The following EVPL variants were observed in gnomAD, a reference collection of about 807,000 sequenced individuals.
The protein encoded by EVPL is envoplakin.
Under a neutral mutation model 129.7 loss-of-function variants are expected in EVPL, and 94 were observed. The ratio of observed to expected loss-of-function variants is 0.72; its 90% CI spans 0.61 to 0.86. The LOEUF is 0.86. Among genes scored for constraint, EVPL ranks in the 40% least tolerant of loss-of-function variants. The probability of loss-of-function intolerance (pLI) is 0.00; values close to 1 mark genes in which losing one functional copy is unlikely to be tolerated. For missense variants in EVPL, 2,625 were observed against 2,721.1 expected (o/e 0.96, Z 0.79); for synonymous variants, 1,172 against 1,191.1 (o/e 0.98, Z 0.33).
At chr17:76,014,616 C>G (rs769969772) in intron 17 of EVPL, 40 bp from the exon 18 acceptor site, 1 of 1,595,610 alleles carries the variant, frequency 6.3e-7, no homozygotes, top group Admixed American at 1.9e-5. Context: ...TAAGACCTGC[C>G]CCGTGGGGAC....
rs376849439 is a variant in EVPL, at chr17:76,008,215, C to T, written c.4990G>A (p.Ala1664Thr). Residue 1664 changes from alanine to threonine, a missense_variant, in exon 22 of 22, where the codon GCC becomes ACC. Ala to Thr is a moderately conservative substitution (Grantham distance 58, BLOSUM62 0). Transcript: ENST00000301607. This position sits in a 1 kb window ranked among gnomAD's most constrained non-coding sequence, Gnocchi z 7.4. ...CTGAGCTCCTCCCGGCTCACCTTGG[C>T]GTGGAGGTCCCGGAGCGTCCGCTCC... ...EKERTLRDLH[A>T]KVSREELSQE... The T allele has an allele frequency of 8.3e-5, 134 of 1,613,956 alleles. No homozygotes were observed. The highest frequency in any genetic ancestry group is 1.1e-4 in the Non-Finnish European group (128 of 1,180,032).
At position 76,007,023 on chromosome 17, in the gene EVPL, T is replaced by G; in HGVS notation, c.*80A>C. 9 of 1,282,494 alleles carry G rather than the reference T, an allele frequency of 7.0e-6. No individual in the cohort carries two copies. The highest frequency in any genetic ancestry group is 8.9e-6 in the Non-Finnish European group (9 of 1,011,086). 79.4% of individuals were successfully genotyped at this position (1,282,494 alleles called of 1,614,324 possible). ...CAGAGGGAAGACCCACTGCCTGGGA[T>G]GAGGCTGCTCTGAGGCAAGAGGTGT... On this transcript the variant is annotated 3_prime_UTR_variant, in exon 22 of 22. Transcript: ENST00000301607. This position sits in a 1 kb window ranked among gnomAD's most constrained non-coding sequence, Gnocchi z 8.8.
At chr17:76,016,720 C>G (rs1033477312) in intron 14 of EVPL, among the ~76,000 whole-genome samples, 3 of 152,186 alleles carry the variant, frequency 2.0e-5, no homozygotes, top group African/African-American at 7.2e-5. Flanking sequence ...TTGAGACCAG[C>G]CTGGGCAACA....
Position 76,011,685 on chromosome 17 carries a change from G to C in EVPL, c.2569-17C>G. The C allele has an allele frequency of 6.2e-7, 1 of 1,613,444 alleles. No homozygotes were observed. The highest frequency in any genetic ancestry group is 1.1e-5 in the South Asian group (1 of 91,070). On this transcript the variant is annotated splice_polypyrimidine_tract_variant and intron_variant, in intron 20 of 21. Transcript: ENST00000301607. ...GTTCTTCTCCTGGAGAAGGCAGAGGGAGAGGGGAAGGGCAGAGTCAGCTCC... is the reference window on the plus strand; with the variant it reads ...GTTCTTCTCCTGGAGAAGGCAGAGGCAGAGGGGAAGGGCAGAGTCAGCTCC...
intron 9 of EVPL, among the ~76,000 whole-genome samples, chr17:76,019,939 A>G (rs2066445955): frequency 6.6e-6 from 1 of 150,672 alleles, no homozygotes; most frequent in Non-Finnish European, 1.5e-5. Flanking sequence ...GCTAAATCTA[A>G]ACCAGCTAAA....
In EVPL at chr17:76,022,254, C is replaced by T; in HGVS notation, c.607-27G>A. On this transcript the variant is annotated intron_variant, in intron 5 of 21. Coordinates refer to ENST00000301607, the MANE Select transcript of EVPL (RefSeq NM_001988.4). The surrounding 1 kb of genome is among the most constrained non-coding windows in gnomAD (Gnocchi z 5.6). ...TGCCTCGACCAAGGGGAGAAACAAG[C>T]CCGTGAGAGGTGGGGTGCAGGGAGA... is the stretch of plus-strand genomic sequence containing the variant. 6.2e-7 allele frequency: 1 copy of T among 1,612,712 alleles called. No homozygotes were observed. Among genetic ancestry groups the T allele is most frequent in the Non-Finnish European group, 8.5e-7 (1 of 1,179,640 alleles).
chr17:76,015,645 T>A lies in EVPL; in HGVS notation c.1711-17A>T. On this transcript the variant is annotated splice_polypyrimidine_tract_variant and intron_variant, in intron 14 of 21. Coordinates refer to ENST00000301607, the MANE Select transcript of EVPL (RefSeq NM_001988.4). ...GGCTGTGCCCTAAAGAGGGGCGGGGTCAGGGATCTCTGGGCAGGTGGGTTC... is the reference window on the plus strand; with the variant it reads ...GGCTGTGCCCTAAAGAGGGGCGGGGACAGGGATCTCTGGGCAGGTGGGTTC... 1 of 1,604,534 alleles carries A rather than the reference T, an allele frequency of 6.2e-7. No individual in the cohort carries two copies. The highest frequency in any genetic ancestry group is 8.5e-7 in the Non-Finnish European group (1 of 1,174,802).
In EVPL at chr17:76,015,212, C is replaced by T. The variant is rs1022116576; in HGVS notation, c.2028+15G>A. The T allele has an allele frequency of 3.2e-6, 5 of 1,574,392 alleles. No homozygotes were observed. Among genetic ancestry groups the T allele is most frequent in the African/African-American group, 2.7e-5 (2 of 74,326 alleles). ...GGGTTCCCCTGACACCAGGAGGCCC[C>T]GGCTGGTCCCTTACCTGCAGCTCGC... is the stretch of plus-strand genomic sequence containing the variant. On this transcript the variant is annotated intron_variant, in intron 16 of 21. Coordinates refer to ENST00000301607, the MANE Select transcript of EVPL (RefSeq NM_001988.4).
chr17:76,007,205 G>A lies in EVPL; in HGVS notation c.6000C>T (p.Cys2000=). The A allele has an allele frequency of 6.5e-7, 1 of 1,546,430 alleles. No homozygotes were observed. The highest frequency in any genetic ancestry group is 1.2e-5 in the South Asian group (1 of 82,326). The change falls in exon 22 of 22, where the codon TGC becomes TGT. Residue 2000 remains cysteine (C), a synonymous_variant. Coordinates refer to ENST00000301607, the MANE Select transcript of EVPL (RefSeq NM_001988.4). This position sits in a 1 kb window ranked among gnomAD's most constrained non-coding sequence, Gnocchi z 8.8. The part of the protein sequence containing the change: ...RLSYKEAMGR[C]RKDPLSGLLL... ...GCAGGCCGCTCAGGGGGTCTTTGCGGCAGCGGCCCATGGCCTCCTTGTAGC... is the reference window on the plus strand; with the variant it reads ...GCAGGCCGCTCAGGGGGTCTTTGCGACAGCGGCCCATGGCCTCCTTGTAGC...
chr17:76,007,194 G>C lies in EVPL; in HGVS notation c.6011C>G (p.Pro2004Arg), dbSNP rs770675754. The C allele has an allele frequency of 9.8e-6, 15 of 1,536,984 alleles. No homozygotes were observed. Among genetic ancestry groups the C allele is most frequent in the Non-Finnish European group, 1.2e-5 (14 of 1,139,952 alleles). The change falls in exon 22 of 22, where the codon CCC becomes CGC. Residue 2004 changes from proline to arginine, a missense_variant. Physicochemically the swap from Pro to Arg is moderately radical, Grantham distance 103 (BLOSUM62 -2). Coordinates refer to ENST00000301607, the MANE Select transcript of EVPL (RefSeq NM_001988.4). The surrounding 1 kb of genome is among the most constrained non-coding windows in gnomAD (Gnocchi z 8.8). ...KEAMGRCRKD[P>R]LSGLLLLPAA... ...TGGCAGGAGCAGCAGGCCGCTCAGG[G>C]GGTCTTTGCGGCAGCGGCCCATGGC...
In EVPL at chr17:76,017,919, C is replaced by G; in HGVS notation, c.1538-8G>C. On this transcript the variant is annotated splice_polypyrimidine_tract_variant and splice_region_variant and intron_variant, in intron 13 of 21. Coordinates refer to ENST00000301607, the MANE Select transcript of EVPL (RefSeq NM_001988.4). ...GGTCTGAGCCAGATGGAGCTGGGGGCAGAGGTGCTGGTGAGGGCCCAGGGC... is the reference window on the plus strand; with the variant it reads ...GGTCTGAGCCAGATGGAGCTGGGGGGAGAGGTGCTGGTGAGGGCCCAGGGC... 1 of 1,613,702 alleles carries G rather than the reference C, an allele frequency of 6.2e-7. No individual in the cohort carries two copies. The highest frequency in any genetic ancestry group is 8.5e-7 in the Non-Finnish European group (1 of 1,179,864).
In EVPL at chr17:76,015,087, TC is replaced by T. The variant is rs776925159; in HGVS notation, c.2050del (p.Glu684AsnfsTer13). On this transcript the variant is annotated frameshift_variant, in exon 17 of 22. Transcript: ENST00000301607. LOFTEE classifies it high-confidence loss of function. ...ELQRQRRELLEQQTCVLRLHR... is the reference protein window; with the variant it reads ...ELQRQRRELLXQQTCVLRLHR... ...TAGCCGCAGCACGCAGGTCTGCTGTTCCAGCAGCTCCCTCCGCTGGCGCTGC... is the reference window on the plus strand; with the variant it reads ...TAGCCGCAGCACGCAGGTCTGCTGTTCAGCAGCTCCCTCCGCTGGCGCTGC... The T allele has an allele frequency of 6.3e-7, 1 of 1,575,920 alleles. No individual in the cohort carries two copies. The highest frequency in any genetic ancestry group is 8.6e-7 in the Non-Finnish European group (1 of 1,161,488).
At position 76,022,430 on chromosome 17, in the gene EVPL, G is replaced by A. The variant is rs762229990; in HGVS notation, c.589C>T (p.Arg197Trp). The part of the protein sequence containing the change: ...KEIDAYGQQL[R>W]SLVGPDAATI... ...TCACCTACCGGCCCCACGAGGCTCCGCAGCTGCTGCCCATAGGCGTCGATC... is the reference window on the plus strand; with the variant it reads ...TCACCTACCGGCCCCACGAGGCTCCACAGCTGCTGCCCATAGGCGTCGATC... The change falls in exon 5 of 22, where the codon CGG (arginine) becomes TGG (tryptophan). Residue 197 changes from arginine (R) to tryptophan (W), a missense_variant. Coordinates refer to ENST00000301607, the MANE Select transcript of EVPL (RefSeq NM_001988.4). This position sits in a 1 kb window ranked among gnomAD's most constrained non-coding sequence, Gnocchi z 5.6. The A allele has an allele frequency of 6.8e-6, 11 of 1,613,752 alleles. No homozygotes were observed. Among genetic ancestry groups the A allele is most frequent in the Non-Finnish European group, 8.5e-6 (10 of 1,179,952 alleles).
intron 21 of EVPL, 143 bp from the exon 22 acceptor site, chr17:76,010,686 G>T: frequency 2.3e-6 from 2 of 880,542 alleles, no homozygotes; most frequent in Non-Finnish European, 3.4e-6. Flanking sequence ...TAAGATGCTT[G>T]GATATAGGAT....
chr17:76,024,760 G>T lies in EVPL; in HGVS notation c.99-640C>A, dbSNP rs2066487463. On this transcript the variant is annotated intron_variant, in intron 1 of 21. Coordinates refer to ENST00000301607, the MANE Select transcript of EVPL (RefSeq NM_001988.4). This position sits in a 1 kb window ranked among gnomAD's most constrained non-coding sequence, Gnocchi z 4.5. ...CAAAGCCCAGATTGGGCTCTGACTT[G>T]CTCTGAGTCACATGGTCAGGGGTGG... 6.6e-6 allele frequency among the ~76,000 whole-genome samples: 1 copy of T among 152,172 alleles called. No homozygotes were observed. The highest frequency in any genetic ancestry group is 2.1e-4 in the South Asian group (1 of 4,832).
Position 76,021,699 on chromosome 17 carries a change from C to T in EVPL, c.890G>A (p.Arg297Gln). 1 of 1,589,582 alleles carries T rather than the reference C, an allele frequency of 6.3e-7. No individual in the cohort carries two copies. Among genetic ancestry groups the T allele is most frequent in the Non-Finnish European group, 8.6e-7 (1 of 1,166,906 alleles). ...CTGGATGGGCCCCACCGCGGGGTGC[C>T]GCAGCTCCACCATGCGCTCGCCGTC... is the stretch of plus-strand genomic sequence containing the variant. ...EDDGERMVEL[R>Q]HPAVGPIQAH... The change falls in exon 8 of 22, where the codon CGG becomes CAG. Residue 297 changes from arginine (R) to glutamine (Q), a missense_variant. Physicochemically the swap from Arg to Gln is conservative, Grantham distance 43 (BLOSUM62 1). This residue lies in a region of EVPL where 1,024 missense variants were observed against 997.5 expected (regional missense o/e 1.03). Transcript: ENST00000301607.
rs2071192 is a variant in EVPL at position 76,018,587 on chromosome 17, T to C, written c.1298A>G (p.Gln433Arg). 0.65 allele frequency: 1,047,961 copies of C among 1,600,550 alleles called. 344,510 individuals are homozygous for C. Among genetic ancestry groups the C allele is most frequent in the South Asian group, 0.72 (64,595 of 90,098 alleles). The change falls in exon 12 of 22, where the codon CAG (glutamine) becomes CGG (arginine). Residue 433 changes from glutamine (Q) to arginine (R), a missense_variant. Physicochemically the swap from Gln to Arg is conservative, Grantham distance 43 (BLOSUM62 1). Around this residue, in one of 4 missense-constraint regions of EVPL, gnomAD observed 1,024 missense variants for 997.5 expected, o/e 1.03. Coordinates refer to ENST00000301607, the MANE Select transcript of EVPL (RefSeq NM_001988.4). Reference protein sequence around the residue: ...DWDSGEVQLLQGERYKLVDNT... With the variant: ...DWDSGEVQLLRGERYKLVDNT... Reference sequence around the variant, plus strand: ...ATCTACCAGCTTATACCGCTCACCCTGCAGCAGCTGCACCTGGGGGCACAG... The same window carrying C: ...ATCTACCAGCTTATACCGCTCACCCCGCAGCAGCTGCACCTGGGGGCACAG...
Position 76,018,962 on chromosome 17 carries a change from AG to A in EVPL, c.1235del (p.Pro412LeufsTer29). The A allele has an allele frequency of 1.9e-6, 3 of 1,560,954 alleles. No individual in the cohort carries two copies. The highest frequency in any genetic ancestry group is 2.4e-5 in the East Asian group (1 of 41,880). On this transcript the variant is annotated frameshift_variant, in exon 11 of 22. Transcript: ENST00000301607. LOFTEE classifies it high-confidence loss of function. ...TGCTGTCCACGTGCAGGGGCTGCTG[AG>A]GGGGGTTTCTTCGCTGTGGCAGAGG... Reference protein sequence around the residue: ...VAPLPQRRNPPQQPLHVDSIC... With the variant: ...VAPLPQRRNPXQQPLHVDSIC...
chr17:76,023,330 G>C lies in EVPL; in HGVS notation c.442C>G (p.Pro148Ala), dbSNP rs2066475802. ...EKMVLPPDVG[P>A]RVDWARVLEQ... ...AGCACGCGTGCCCAGTCGACCCTGGGTCCCACGTCGGGGGGCAGCACCATC... is the reference window on the plus strand; with the variant it reads ...AGCACGCGTGCCCAGTCGACCCTGGCTCCCACGTCGGGGGGCAGCACCATC... The change falls in exon 4 of 22, where the codon CCC becomes GCC. Residue 148 changes from proline to alanine, a missense_variant. Pro to Ala is a conservative substitution (Grantham distance 27). Coordinates refer to ENST00000301607, the MANE Select transcript of EVPL (RefSeq NM_001988.4). The C allele has an allele frequency of 5.0e-6, 8 of 1,613,880 alleles. No individual in the cohort carries two copies. Among genetic ancestry groups the C allele is most frequent in the Non-Finnish European group, 6.8e-6 (8 of 1,180,004 alleles).
Sources: allele counts gnomAD v4.1 joint callset (sites outside exome capture counted in the v4.1 genomes callset), GRCh38; gene constraint gnomAD v4.1.1; regional missense constraint gnomAD v4.1.1; non-coding constraint Gnocchi (gnomAD v3.1); transcripts MANE v1.5; gene names NCBI Gene and HGNC (gene_info 2026-07-23, HGNC 2026-07-21).